RNF130: variants seen among roughly 807,000 people sequenced by gnomAD.
RNF130 encodes ring finger protein 130.
In RNF130, 21 loss-of-function variants were observed where a neutral mutation model predicts 44.6. The ratio of observed to expected loss-of-function variants is 0.47; its 90% CI spans 0.33 to 0.68. The LOEUF (loss-of-function observed/expected upper bound fraction) is 0.68, where lower values mean the gene tolerates loss of function less well. RNF130 is among the 30% of genes least tolerant of loss of function. The pLI, the probability that RNF130 is intolerant of heterozygous loss-of-function variation, is 0.02. For missense variants in RNF130, 479 were observed against 560.6 expected (o/e 0.85, Z 1.47); for synonymous variants, 214 against 210.4 (o/e 1.02, Z -0.15).
At chr5:179,922,574 G>T (rs1003092064) in intron 7 of RNF130, among the ~76,000 whole-genome samples, 14 of 151,994 alleles carry the variant, frequency 9.2e-5, no homozygotes, top group Middle Eastern at 3.4e-3. Context: ...CTCCCAAAGT[G>T]CTGGGATTAT....
intron 1 of RNF130, among the ~76,000 whole-genome samples, chr5:180,069,071 G>A (rs768476295): frequency 1.3e-5 from 2 of 152,028 alleles, no homozygotes; most frequent in Non-Finnish European, 1.5e-5. Context: ...TTCTTAACAC[G>A]AATAATTTTA....
At chr5:180,062,691 A>G (rs1765014497) in intron 1 of RNF130, among the ~76,000 whole-genome samples, 1 of 152,216 alleles carries the variant, frequency 6.6e-6, no homozygotes. Context: ...CAGATGAAAA[A>G]GACTTTCTAA....
chr5:180,045,910 G>A (rs997910768), intron 1 of RNF130, among the ~76,000 whole-genome samples: 1 of 152,148 alleles, frequency 6.6e-6, no homozygotes, highest in Non-Finnish European at 1.5e-5. Context: ...CCCAACTCAG[G>A]AGCCCAGCTG....
chr5:180,048,301 G>C (rs1006128700), intron 1 of RNF130, among the ~76,000 whole-genome samples: 4 of 152,046 alleles, frequency 2.6e-5, no homozygotes, highest in Admixed American at 6.6e-5. Flanking sequence ...TCCGGTTTAC[G>C]GCAAATCACT....
intron 7 of RNF130, among the ~76,000 whole-genome samples, chr5:179,925,275 G>T (rs908382440): frequency 8.0e-6 from 1 of 124,542 alleles, no homozygotes; most frequent in Non-Finnish European, 1.7e-5. Context: ...TAAGTTGATC[G>T]CCCATGGCCA....
intron 8 of RNF130, among the ~76,000 whole-genome samples, 167 bp downstream of exon 8, chr5:179,963,304 G>T (rs1409492001): frequency 6.6e-6 from 1 of 152,188 alleles, no homozygotes; most frequent in Non-Finnish European, 1.5e-5. Flanking sequence ...CTGTGTTACT[G>T]ACTAAAAATA....
intron 7 of RNF130, among the ~76,000 whole-genome samples, chr5:179,948,213 C>T (rs749327979): frequency 7.2e-5 from 11 of 152,154 alleles, no homozygotes; most frequent in Non-Finnish European, 1.6e-4. Flanking sequence ...TCAGATATTG[C>T]GAAGATTAAA....
intron 1 of RNF130, among the ~76,000 whole-genome samples, chr5:180,052,636 A>T (rs1764713259): frequency 6.6e-6 from 1 of 152,254 alleles, no homozygotes. Context: ...ATAATTTAAA[A>T]TGTAATGACA....
At chr5:179,976,741 C>T (rs927366229) in intron 5 of RNF130, 1 of 149,180 alleles carries the variant, frequency 6.7e-6, no homozygotes, top group Non-Finnish European at 1.5e-5. Flanking sequence ...AAATAGATTA[C>T]TTTGTAAGTA....
intron 3 of RNF130, among the ~76,000 whole-genome samples, chr5:179,983,862 G>A (rs1227788973): frequency 6.6e-6 from 1 of 152,156 alleles, no homozygotes; most frequent in Non-Finnish European, 1.5e-5. Context: ...TATTTTGTCA[G>A]ATTTATTGTT....
At chr5:180,008,565 A>G (rs1473639614) in intron 3 of RNF130, among the ~76,000 whole-genome samples, 2 of 152,182 alleles carry the variant, frequency 1.3e-5, no homozygotes, top group African/African-American at 4.8e-5. Context: ...ATGGAATCAA[A>G]CCAGAAATCA....
chr5:179,985,544 T>C (rs1352322858), intron 3 of RNF130, among the ~76,000 whole-genome samples: 1 of 152,050 alleles, frequency 6.6e-6, no homozygotes, highest in African/African-American at 2.4e-5. Context: ...CATTATCCAA[T>C]ATCAAAAAAA....
At chr5:179,987,052 C>G (rs1466998260) in intron 3 of RNF130, among the ~76,000 whole-genome samples, 1 of 152,100 alleles carries the variant, frequency 6.6e-6, no homozygotes, top group Non-Finnish European at 1.5e-5. Context: ...TTTTGGTGAA[C>G]TCTTTGTTTT....
intron 7 of RNF130, among the ~76,000 whole-genome samples, chr5:179,921,487 A>C (rs1472107500): frequency 6.6e-6 from 1 of 152,258 alleles, no homozygotes; most frequent in Non-Finnish European, 1.5e-5. Context: ...ACTTTTTCAG[A>C]AACTGCCAGG....
rs949468606 is a variant in RNF130 at position 179,974,607 on chromosome 5, C to T, written c.848+3596G>A. ...GTGAATCGTTAAGGAAAGATGGACA[C>T]GAGGGTGTCCAGGCCCATCTCCCTC... On this transcript the variant is annotated intron_variant, in intron 5 of 8. Transcript: ENST00000521389. 7.2e-5 allele frequency among the ~76,000 whole-genome samples: 11 copies of T among 152,202 alleles called. No homozygotes were observed. In the East Asian group the frequency reaches 1.7e-3, roughly 24 times the overall value.
At chr5:180,038,614 A>T (rs1764331686) in intron 2 of RNF130, among the ~76,000 whole-genome samples, 1 of 152,086 alleles carries the variant, frequency 6.6e-6, no homozygotes. Context: ...TGAGTCCTCT[A>T]GGAACATATC....
At chr5:179,946,595 C>T (rs868207059) in intron 7 of RNF130, among the ~76,000 whole-genome samples, 37 of 151,618 alleles carry the variant, frequency 2.4e-4, no homozygotes, top group Non-Finnish European at 4.6e-4. Context: ...GCTCTGTCGC[C>T]CAGGCTGGAG....
At chr5:180,012,944 G>A (rs755573002) in intron 3 of RNF130, 117 bp downstream of exon 3, 14 of 1,173,940 alleles carry the variant, frequency 1.2e-5, no homozygotes, top group Non-Finnish European at 1.7e-5. Flanking sequence ...TAAAATGACT[G>A]AGTGAGGGTA....
intron 1 of RNF130, among the ~76,000 whole-genome samples, chr5:180,057,050 C>T (rs765515084): frequency 3.3e-5 from 5 of 152,208 alleles, no homozygotes; most frequent in Non-Finnish European, 7.3e-5. Context: ...AGCATGTTTT[C>T]TTATTCAAAA....
Sources: gnomAD v4.1 joint callset for allele counts (sites outside exome capture counted in the v4.1 genomes callset) on GRCh38, gnomAD v4.1.1 for gene constraint, MANE v1.5 for transcripts, NCBI Gene and HGNC (gene_info 2026-07-23, HGNC 2026-07-21) for gene names.